The following NR2E1 variants were observed in gnomAD, a reference collection of about 807,000 sequenced individuals.
The protein encoded by NR2E1 is nuclear receptor subfamily 2 group E member 1, also known as nuclear receptor TLX.
A neutral mutation model predicts 43.6 loss-of-function variants in NR2E1; 5 were observed. The ratio of observed to expected loss-of-function variants is 0.11; its 90% CI spans 0.06 to 0.24. NR2E1 has a LOEUF of 0.24. Among genes scored for constraint, NR2E1 ranks in the 10% least tolerant of loss-of-function variants. NR2E1 has a pLI of 1.00. For synonymous variants in NR2E1, 191 were observed against 195.5 expected, an observed-to-expected ratio of 0.98 and a Z score of 0.19; for missense variants, 287 against 496.7, an observed-to-expected ratio of 0.58 and a Z score of 4.01.
rs930577381 is a variant in NR2E1 at position 108,187,614 on chromosome 6, C to A, written c.*151C>A. 1.9e-5 allele frequency: 16 copies of A among 856,042 alleles called. No homozygotes were observed. Among genetic ancestry groups the A allele is most frequent in the Non-Finnish European group, 2.7e-5 (14 of 524,624 alleles). 53.0% of individuals were successfully genotyped at this position (856,042 alleles called of 1,614,324 possible). ...AAATGCCAATTGACACAAAGCATTC[C>A]AGTAGCTATGACCTGCCGCCCTGAC... On this transcript the variant is annotated 3_prime_UTR_variant, in exon 9 of 9. Coordinates refer to ENST00000368986, the MANE Select transcript of NR2E1 (RefSeq NM_003269.5).
In NR2E1 at chr6:108,188,762, G is replaced by A. The variant is rs568059943; in HGVS notation, c.*1299G>A. ...AACTGATTTGTGAAGTTAAAAGGTT[G>A]TACTCATTGTATTTACAAAGAATAA... is the stretch of plus-strand genomic sequence containing the variant. On this transcript the variant is annotated 3_prime_UTR_variant, in exon 9 of 9. Coordinates refer to ENST00000368986, the MANE Select transcript of NR2E1 (RefSeq NM_003269.5). 2 of 152,270 alleles carry A rather than the reference G, an allele frequency of 1.3e-5. No individual in the cohort carries two copies. The highest frequency in any genetic ancestry group is 3.9e-4 in the East Asian group (2 of 5,182). The allele number at this position is 152,270 out of a possible 1,614,324, so 9.4% of individuals were successfully genotyped here.
chr6:108,177,274 A>T (rs1228666077), intron 4 of NR2E1, among the ~76,000 whole-genome samples: 1 of 152,246 alleles, frequency 6.6e-6, no homozygotes, highest in Non-Finnish European at 1.5e-5. Context: ...CAGTTTGAGG[A>T]ATCTGAGTTC....
In NR2E1 at chr6:108,187,516, C is replaced by G. The variant is rs561108161; in HGVS notation, c.*53C>G. 74 of 1,580,872 alleles carry G rather than the reference C, an allele frequency of 4.7e-5. No homozygotes were observed. The East Asian group carries it at 1.4e-3, about 29-fold the overall frequency. On this transcript the variant is annotated 3_prime_UTR_variant, in exon 9 of 9. Coordinates refer to ENST00000368986, the MANE Select transcript of NR2E1 (RefSeq NM_003269.5). ...GGGACAGTATCAGATGAACTTCAAC[C>G]CATGGAGAACAAGCCTCAACTAACA... is the stretch of plus-strand genomic sequence containing the variant.
chr6:108,174,785 T>C, intron 2 of NR2E1, 51 bp from the exon 3 acceptor site: 1 of 1,517,334 alleles, frequency 6.6e-7, no homozygotes, highest in Non-Finnish European at 9.1e-7. Flanking sequence ...CGGCTCCGGG[T>C]CTCCAGCCTA....
At chr6:108,183,821 A>G (rs1774031994) in intron 8 of NR2E1, among the ~76,000 whole-genome samples, 1 of 152,250 alleles carries the variant, frequency 6.6e-6, no homozygotes, top group Non-Finnish European at 1.5e-5. Context: ...TGCATATTGA[A>G]TTACAGAATA....
intron 2 of NR2E1, 148 bp from the exon 3 acceptor site, chr6:108,174,688 C>A (rs550821415): frequency 1.6e-5 from 11 of 673,124 alleles, no homozygotes; most frequent in Admixed American, 9.2e-5. Context: ...TGCCCAAGGC[C>A]CTCGCGTTTT....
At chr6:108,173,881 G>A (rs1166424793) in intron 2 of NR2E1, among the ~76,000 whole-genome samples, 2 of 152,088 alleles carry the variant, frequency 1.3e-5, no homozygotes, top group South Asian at 2.1e-4. Flanking sequence ...CTCTTTCAAT[G>A]GCTAATGTTT....
At chr6:108,172,526 C>T (rs1435053180) in intron 2 of NR2E1, among the ~76,000 whole-genome samples, 1 of 152,208 alleles carries the variant, frequency 6.6e-6, no homozygotes, top group Admixed American at 6.5e-5. Context: ...ACCTTCTGGT[C>T]CTACACTTTG....
rs911203766 is a variant in NR2E1, at chr6:108,188,635, A to C, written c.*1172A>C. 7.2e-5 allele frequency: 11 copies of C among 152,052 alleles called. No homozygotes were observed. The highest frequency in any genetic ancestry group is 4.6e-4 in the Admixed American group (7 of 15,258). 9.4% of individuals were successfully genotyped at this position (152,052 alleles called of 1,614,324 possible). A position where few individuals can be genotyped will look rare whatever the true frequency, so the allele number is the denominator to read the frequency against. ...ACAAACATTTTTAAATAGCTGCTGTACTTTTCACATTTTGATTTATTAGGT... is the reference window on the plus strand; with the variant it reads ...ACAAACATTTTTAAATAGCTGCTGTCCTTTTCACATTTTGATTTATTAGGT... On this transcript the variant is annotated 3_prime_UTR_variant, in exon 9 of 9. Coordinates refer to ENST00000368986, the MANE Select transcript of NR2E1 (RefSeq NM_003269.5).
Position 108,169,561 on chromosome 6 carries a change from G to A in NR2E1, c.26-1897G>A, listed in dbSNP as rs1439406424. Among the ~76,000 whole-genome samples, 2 of 152,198 alleles carry A rather than the reference G, an allele frequency of 1.3e-5. No individual in the cohort carries two copies. The highest frequency in any genetic ancestry group is 2.9e-5 in the Non-Finnish European group (2 of 68,028). ...GTGGACCCTGGAGCGGTCAGAGGGC[G>A]CGTGTTAAGCAGAGGATGGTTGTAA... On this transcript the variant is annotated intron_variant, in intron 1 of 8. Transcript: ENST00000368986. This position sits in a 1 kb window ranked among gnomAD's most constrained non-coding sequence, Gnocchi z 6.1.
chr6:108,178,326 G>C, intron 5 of NR2E1, 85 bp downstream of exon 5: 2 of 1,450,058 alleles, frequency 1.4e-6, no homozygotes, highest in South Asian at 2.3e-5. Flanking sequence ...TCTATCCCTG[G>C]GTAAACCACC....
chr6:108,171,704 G>A (rs886326262), intron 2 of NR2E1, 101 bp downstream of exon 2: 8 of 1,481,542 alleles, frequency 5.4e-6, no homozygotes, highest in Middle Eastern at 1.9e-4. Context: ...GTTGAGGAGA[G>A]ACCCGGCCCT....
Position 108,181,533 on chromosome 6 carries a change from T to A in NR2E1, c.890-13T>A. ...TATGCTGTCTATCACAGTTTCCTGG[T>A]CTTCATTTCTAGTTCCTACACATAG... On this transcript the variant is annotated splice_polypyrimidine_tract_variant and intron_variant, in intron 7 of 8. Coordinates refer to ENST00000368986, the MANE Select transcript of NR2E1 (RefSeq NM_003269.5). 1 of 1,604,644 alleles carries A rather than the reference T, an allele frequency of 6.2e-7. No individual in the cohort carries two copies. The highest frequency in any genetic ancestry group is 8.5e-7 in the Non-Finnish European group (1 of 1,171,350).
At chr6:108,167,216 C>T (rs1444205415) in intron 1 of NR2E1, among the ~76,000 whole-genome samples, 2 of 152,182 alleles carry the variant, frequency 1.3e-5, no homozygotes, top group South Asian at 4.1e-4. Flanking sequence ...GAATGGAATG[C>T]TTTGCACCCC....
chr6:108,180,776 T>A lies in NR2E1; in HGVS notation c.740-31T>A. On this transcript the variant is annotated intron_variant, in intron 6 of 8. Coordinates refer to ENST00000368986, the MANE Select transcript of NR2E1 (RefSeq NM_003269.5). This position sits in a 1 kb window ranked among gnomAD's most constrained non-coding sequence, Gnocchi z 5.4. ...ATTAAATCATGAAAATGCCTTCATA[T>A]TAGAGTATTTATCCCATATTTTTAT... The A allele has an allele frequency of 6.2e-7, 1 of 1,606,900 alleles. No individual in the cohort carries two copies. The highest frequency in any genetic ancestry group is 8.5e-7 in the Non-Finnish European group (1 of 1,173,460).
At chr6:108,187,211 A>G (rs911857689) in intron 8 of NR2E1, 90 bp from the exon 9 acceptor site, 14 of 1,418,378 alleles carry the variant, frequency 9.9e-6, no homozygotes, top group Non-Finnish European at 1.4e-5. Flanking sequence ...TAGATCAGCA[A>G]TGCTGGAGAT....
intron 8 of NR2E1, among the ~76,000 whole-genome samples, chr6:108,185,846 G>A (rs1774068201): frequency 6.6e-6 from 1 of 152,176 alleles, no homozygotes; most frequent in Non-Finnish European, 1.5e-5. Flanking sequence ...ATCAGGAGTT[G>A]GTTGTCTATA....
At chr6:108,185,551 C>G (rs1367183651) in intron 8 of NR2E1, among the ~76,000 whole-genome samples, 1 of 152,140 alleles carries the variant, frequency 6.6e-6, no homozygotes, top group East Asian at 1.9e-4. Context: ...TCTGGGACTA[C>G]AGGTGCCCAG....
rs575258218 is a variant in NR2E1, at chr6:108,171,102, C to G, written c.26-356C>G. Among the ~76,000 whole-genome samples, 16 of 152,246 alleles carry G rather than the reference C, an allele frequency of 1.1e-4. No homozygotes were observed. In the East Asian group the frequency reaches 3.1e-3, roughly 29 times the overall value. On this transcript the variant is annotated intron_variant, in intron 1 of 8. Transcript: ENST00000368986. ...CAACTTTCTCTGTTAAATGCAAAAG[C>G]GAAGGAGGGAGGCGGCCAAACTTTC...
Sources: allele counts gnomAD v4.1 joint callset (sites outside exome capture counted in the v4.1 genomes callset), GRCh38; gene constraint gnomAD v4.1.1; non-coding constraint Gnocchi (gnomAD v3.1); transcripts MANE v1.5; gene names NCBI Gene and HGNC (gene_info 2026-07-23, HGNC 2026-07-21).